The following MIGA1 variants were observed in gnomAD, a reference collection of about 807,000 sequenced individuals.
MIGA1 encodes the protein family with sequence similarity 73, member A.
In MIGA1, 58 loss-of-function variants were observed where a neutral mutation model predicts 82.0. The ratio of observed to expected loss-of-function variants is 0.71; its 90% CI spans 0.57 to 0.88. The LOEUF (loss-of-function observed/expected upper bound fraction) is 0.88, where lower values mean the gene tolerates loss of function less well. MIGA1 is among the 40% of genes least tolerant of loss of function. The pLI is 0.00. For synonymous variants in MIGA1, 249 were observed against 253.6 expected (o/e 0.98, Z 0.17); for missense variants, 751 against 749.1 (o/e 1.00, Z -0.03).
At chr1:77,808,519 A>G (rs1013658822) in intron 5 of MIGA1, among the ~76,000 whole-genome samples, 3 of 152,168 alleles carry the variant, frequency 2.0e-5, no homozygotes, top group African/African-American at 7.2e-5. Context: ...TTTTAAATAG[A>G]AAGAGGCTTT....
At chr1:77,872,627 T>C (rs1646855612) in intron 14 of MIGA1, among the ~76,000 whole-genome samples, 1 of 152,112 alleles carries the variant, frequency 6.6e-6, no homozygotes, top group Non-Finnish European at 1.5e-5. Flanking sequence ...AATACAGAAA[T>C]GTGTCTCAGC....
At chr1:77,784,845 C>T (rs1315070097) in intron 2 of MIGA1, among the ~76,000 whole-genome samples, 7 of 152,056 alleles carry the variant, frequency 4.6e-5, no homozygotes, top group African/African-American at 9.7e-5. Flanking sequence ...TCTCATATGG[C>T]GGCAGACAAG....
At chr1:77,870,604 G>GCAGC (rs1223513330) in intron 14 of MIGA1, among the ~76,000 whole-genome samples, 1 of 149,782 alleles carries the variant, frequency 6.7e-6, no homozygotes, top group Non-Finnish European at 1.5e-5. Flanking sequence ...TCCAGACTGG[G>GCAGC]CAGCCAGGCA....
At chr1:77,860,364 T>C in intron 11 of MIGA1, 2 of 440,854 alleles carry the variant, frequency 4.5e-6, no homozygotes, top group South Asian at 7.3e-5. Flanking sequence ...GTGAGAATTA[T>C]CATTAGATCT....
chr1:77,783,007 T>A (rs1681990732), intron 1 of MIGA1: 1 of 350,584 alleles, frequency 2.9e-6, no homozygotes, highest in Non-Finnish European at 4.0e-6. Context: ...AATCTAGCTT[T>A]TTTTTTTTTT....
At chr1:77,784,055 GTGTT>G (rs1407303177) in intron 2 of MIGA1, among the ~76,000 whole-genome samples, 11 of 152,106 alleles carry the variant, frequency 7.2e-5, no homozygotes, top group East Asian at 1.9e-4. Flanking sequence ...GCTTATGTGT[GTGTT>G]TGTTGATGGA....
At chr1:77,864,929 C>A (rs577200919) in intron 13 of MIGA1, among the ~76,000 whole-genome samples, 12 of 152,110 alleles carry the variant, frequency 7.9e-5, no homozygotes, top group South Asian at 2.1e-4. Context: ...AGTTTGGATA[C>A]CTTTAAAAAA....
At chr1:77,869,810 G>T (rs1451624359) in intron 14 of MIGA1, among the ~76,000 whole-genome samples, 1 of 110,316 alleles carries the variant, frequency 9.1e-6, no homozygotes, top group African/African-American at 3.7e-5. Context: ...CAGTAGGGGC[G>T]GCCGGGCAGA....
intron 14 of MIGA1, among the ~76,000 whole-genome samples, chr1:77,869,671 G>T (rs1442185269): frequency 7.8e-6 from 1 of 128,052 alleles, no homozygotes; most frequent in Non-Finnish European, 1.7e-5. Flanking sequence ...CTCACCTCCC[G>T]GACGGGGCGG....
chr1:77,832,810 T>C (rs1160803404), intron 7 of MIGA1, among the ~76,000 whole-genome samples: 2 of 152,206 alleles, frequency 1.3e-5, no homozygotes, highest in Non-Finnish European at 1.5e-5. Flanking sequence ...GAAGTCATAA[T>C]CAAATTTATG....
At chr1:77,813,623 C>A in intron 5 of MIGA1, 111 bp from the exon 6 acceptor site, 1 of 1,160,788 alleles carries the variant, frequency 8.6e-7, no homozygotes, top group South Asian at 1.5e-5. Flanking sequence ...TCTTTAGTGT[C>A]AAAATTAGAC....
At chr1:77,805,455 C>T (rs994137023) in intron 4 of MIGA1, among the ~76,000 whole-genome samples, 21 of 121,020 alleles carry the variant, frequency 1.7e-4, no homozygotes, top group Non-Finnish European at 2.5e-4. Context: ...GAAGAATATG[C>T]CTATTCTTTT....
intron 14 of MIGA1, among the ~76,000 whole-genome samples, chr1:77,866,684 A>T (rs1377504324): frequency 3.8e-5 from 5 of 132,284 alleles, no homozygotes; most frequent in African/African-American, 1.5e-4. Context: ...TAATGATATT[A>T]ATTTTTTTTT....
chr1:77,817,573 A>G (rs1683616842), intron 7 of MIGA1, among the ~76,000 whole-genome samples: 1 of 152,142 alleles, frequency 6.6e-6, no homozygotes, highest in Admixed American at 6.5e-5. Context: ...TATTTTGTTC[A>G]TTTTGGGGAA....
At chr1:77,842,714 A>AT (rs536565130) in intron 7 of MIGA1, among the ~76,000 whole-genome samples, 2 of 151,812 alleles carry the variant, frequency 1.3e-5, no homozygotes, top group South Asian at 4.2e-4. Context: ...TAATTTTTGT[A>AT]TTTTTTTAGT....
chr1:77,784,556 C>A (rs1368788683), intron 2 of MIGA1, among the ~76,000 whole-genome samples: 2 of 152,194 alleles, frequency 1.3e-5, no homozygotes, highest in Non-Finnish European at 2.9e-5. Flanking sequence ...AACTGCCATA[C>A]TGTTTTTCAC....
At chr1:77,791,262 A>AAAAC (rs1557895319) in intron 2 of MIGA1, among the ~76,000 whole-genome samples, 6 of 148,628 alleles carry the variant, frequency 4.0e-5, no homozygotes, top group African/African-American at 4.9e-5. Flanking sequence ...AAAAAAAAAA[A>AAAAC]AAACAAAAAA....
chr1:77,796,329 A>G (rs1015693228), intron 2 of MIGA1, among the ~76,000 whole-genome samples: 3 of 152,036 alleles, frequency 2.0e-5, no homozygotes, highest in Non-Finnish European at 4.4e-5. Flanking sequence ...CATATTAGCC[A>G]GGATGGTCTC....
chr1:77,794,219 T>A (rs1487309116), intron 2 of MIGA1, among the ~76,000 whole-genome samples: 1 of 152,240 alleles, frequency 6.6e-6, no homozygotes, highest in Non-Finnish European at 1.5e-5. Flanking sequence ...CTATCAAAAC[T>A]AAGATTAACA....
Sources: gnomAD v4.1 joint callset for allele counts (sites outside exome capture counted in the v4.1 genomes callset) on GRCh38, gnomAD v4.1.1 for gene constraint, MANE v1.5 for transcripts, NCBI Gene and HGNC (gene_info 2026-07-23, HGNC 2026-07-21) for gene names.